The following VAT1L variants were observed in gnomAD, a reference collection of about 807,000 sequenced individuals.
VAT1L encodes the protein vesicle amine transport 1 like.
In VAT1L, 34 loss-of-function variants were observed where a neutral mutation model predicts 44.1. The ratio of observed to expected loss-of-function variants is 0.77; its 90% confidence interval spans 0.59 to 1.03. The LOEUF (loss-of-function observed/expected upper bound fraction) is 1.03, where lower values mean the gene tolerates loss of function less well. VAT1L is among the 50% of genes least tolerant of loss of function. VAT1L has a pLI of 0.00. For synonymous variants in VAT1L, 253 were observed against 202.2 expected (o/e 1.25, Z -2.13); for missense variants, 615 against 538.8 (o/e 1.14, Z -1.40).
intron 4 of VAT1L, among the ~76,000 whole-genome samples, chr16:77,866,312 C>T (rs1019605253): frequency 6.6e-6 from 1 of 152,140 alleles, no homozygotes; most frequent in Admixed American, 6.5e-5. Flanking sequence ...ATAGTTCAGT[C>T]GATTATGCCA....
At chr16:77,940,560 G>C (rs936568183) in intron 7 of VAT1L, among the ~76,000 whole-genome samples, 3 of 151,788 alleles carry the variant, frequency 2.0e-5, no homozygotes, top group African/African-American at 7.3e-5. Flanking sequence ...GGTCATGCTG[G>C]TCTTAAACTC....
Position 77,827,097 on chromosome 16 carries a change from T to C in VAT1L, c.579+1636T>C, listed in dbSNP as rs1597054340. 2.0e-5 allele frequency among the ~76,000 whole-genome samples: 3 copies of C among 152,318 alleles called. No individual in the cohort carries two copies. In the Middle Eastern group the frequency reaches 0.01, roughly 518 times the overall value. The stretch of plus-strand genomic sequence containing the variant: ...AATGCCTTAAGAAAAATATCTTCAA[T>C]CATTTTAGCAAATTTGCTGATACCT... On this transcript the variant is annotated intron_variant, in intron 3 of 8. Transcript: ENST00000302536.
chr16:77,971,321 A>G (rs1040091418), intron 7 of VAT1L, among the ~76,000 whole-genome samples: 2 of 152,172 alleles, frequency 1.3e-5, no homozygotes, highest in African/African-American at 4.8e-5. Flanking sequence ...GGAGAATATT[A>G]TAGTGTTGAG....
chr16:77,858,384 C>G (rs947255959), intron 3 of VAT1L, among the ~76,000 whole-genome samples: 1 of 152,128 alleles, frequency 6.6e-6, no homozygotes, highest in African/African-American at 2.4e-5. Context: ...CACGCAGGAT[C>G]TGATAGCAGG....
intron 7 of VAT1L, among the ~76,000 whole-genome samples, chr16:77,910,649 G>A (rs1449624156): frequency 7.2e-6 from 1 of 138,498 alleles, no homozygotes. Context: ...ACTCCAGCCT[G>A]GGCAACAGAG....
chr16:77,892,843 C>CATGG, intron 7 of VAT1L: 1 of 897,094 alleles, frequency 1.1e-6, no homozygotes, highest in Non-Finnish European at 1.9e-6. Context: ...TTGTGGAGGC[C>CATGG]ATGGAGTGCT....
chr16:77,846,974 T>C (rs2016763851), intron 3 of VAT1L, among the ~76,000 whole-genome samples: 1 of 152,202 alleles, frequency 6.6e-6, no homozygotes, highest in South Asian at 2.1e-4. Flanking sequence ...AGTTGACATT[T>C]TTATAGTTTT....
At chr16:77,936,262 T>A (rs1229968234) in intron 7 of VAT1L, among the ~76,000 whole-genome samples, 5 of 152,172 alleles carry the variant, frequency 3.3e-5, no homozygotes, top group Non-Finnish European at 7.3e-5. Context: ...TTCAGCTATA[T>A]TTCTTCCTCA....
intron 2 of VAT1L, among the ~76,000 whole-genome samples, chr16:77,823,930 G>A (rs537854381): frequency 6.6e-6 from 1 of 152,290 alleles, no homozygotes; most frequent in East Asian, 1.9e-4. Flanking sequence ...GGCTGAGACA[G>A]GACAATCGCT....
intron 3 of VAT1L, among the ~76,000 whole-genome samples, chr16:77,826,228 G>C (rs925896578): frequency 6.6e-6 from 1 of 150,900 alleles, no homozygotes; most frequent in Non-Finnish European, 1.5e-5. Context: ...AAAAGAAAAA[G>C]AGAAGCATTC....
At chr16:77,833,665 T>C (rs2016606877) in intron 3 of VAT1L, among the ~76,000 whole-genome samples, 1 of 151,714 alleles carries the variant, frequency 6.6e-6, no homozygotes, top group Admixed American at 6.6e-5. Context: ...GCAGGAGAAC[T>C]GCTTGAACCA....
intron 8 of VAT1L, among the ~76,000 whole-genome samples, chr16:77,976,049 T>C (rs910020863): frequency 2.0e-5 from 3 of 152,202 alleles, no homozygotes; most frequent in African/African-American, 4.8e-5. Flanking sequence ...AATTGGCATA[T>C]TGGTGACTAT....
chr16:77,847,599 T>C (rs182874568), intron 3 of VAT1L, among the ~76,000 whole-genome samples: 1 of 152,332 alleles, frequency 6.6e-6, no homozygotes, highest in Non-Finnish European at 1.5e-5. Flanking sequence ...CTGTGAGTAC[T>C]AAATTGAGGC....
intron 2 of VAT1L, among the ~76,000 whole-genome samples, chr16:77,823,730 A>C (rs2016486644): frequency 6.6e-6 from 1 of 152,018 alleles, no homozygotes; most frequent in Non-Finnish European, 1.5e-5. Context: ...ATATAGAAAA[A>C]CCTCTCAGCT....
At chr16:77,881,749 T>G (rs1051324005) in intron 6 of VAT1L, among the ~76,000 whole-genome samples, 8 of 151,962 alleles carry the variant, frequency 5.3e-5, no homozygotes, top group Non-Finnish European at 1.2e-4. Flanking sequence ...AAGAATGGAG[T>G]GTAATGAAGG....
At chr16:77,819,809 T>C (rs1183099321) in intron 2 of VAT1L, among the ~76,000 whole-genome samples, 1 of 152,258 alleles carries the variant, frequency 6.6e-6, no homozygotes, top group Non-Finnish European at 1.5e-5. Context: ...TCCTGCTTTC[T>C]GAAATATAAT....
intron 3 of VAT1L, among the ~76,000 whole-genome samples, chr16:77,844,858 G>GTA (rs1025304665): frequency 7.1e-6 from 1 of 140,398 alleles, no homozygotes; most frequent in Non-Finnish European, 1.6e-5. Flanking sequence ...GTGTGTGCAT[G>GTA]TGTATATATA....
At chr16:77,823,199 T>C (rs1331454119) in intron 2 of VAT1L, among the ~76,000 whole-genome samples, 1 of 151,772 alleles carries the variant, frequency 6.6e-6, no homozygotes, top group Non-Finnish European at 1.5e-5. Context: ...TACTCTGACA[T>C]CCCTTGACCC....
chr16:77,792,811 TA>T (rs945617779), intron 1 of VAT1L, among the ~76,000 whole-genome samples: 1 of 152,196 alleles, frequency 6.6e-6, no homozygotes, highest in African/African-American at 2.4e-5. Context: ...TCCCGGACTA[TA>T]AAATAGAGCA....
Sources: gnomAD v4.1 joint callset for allele counts (sites outside exome capture counted in the v4.1 genomes callset) on GRCh38, gnomAD v4.1.1 for gene constraint, MANE v1.5 for transcripts, NCBI Gene and HGNC (gene_info 2026-07-23, HGNC 2026-07-21) for gene names.